Variants in RSRC1 observed in about 807,000 individuals in gnomAD.
RSRC1 encodes the protein serine/Arginine-related protein 53.
A neutral mutation model predicts 49.1 loss-of-function variants in RSRC1; 39 were observed. The ratio of observed to expected loss-of-function variants is 0.79; its 90% CI spans 0.61 to 1.04. The LOEUF is 1.04. RSRC1 is among the 50% of genes least tolerant of loss of function. RSRC1 has a pLI of 0.00. For synonymous variants in RSRC1, 143 were observed against 130.8 expected (o/e 1.09, Z -0.63); for missense variants, 388 against 402.4 (o/e 0.96, Z 0.31).
chr3:158,276,313 G>A lies in RSRC1; in HGVS notation c.495-21726G>A, dbSNP rs1169375689. 16 of 763,014 alleles carry A rather than the reference G, an allele frequency of 2.1e-5. No homozygotes were observed. In the Admixed American group the frequency reaches 2.4e-4, roughly 12 times the overall value. 47.3% of individuals were successfully genotyped at this position (763,014 alleles called of 1,614,324 possible). A position where few individuals can be genotyped will look rare whatever the true frequency, so the allele number is the denominator to read the frequency against. On this transcript the variant is annotated intron_variant, in intron 4 of 9. Transcript: ENST00000611884. The stretch of plus-strand genomic sequence containing the variant: ...GGCCAGATGGGGTGGGGAGCCCTGT[G>A]GAGAGCAGAGAGCTGGCGGTACTGC...
At chr3:158,118,463 G>GTGTGTGCA in intron 1 of RSRC1, among the ~76,000 whole-genome samples, 1 of 42,232 alleles carries the variant, frequency 2.4e-5, no homozygotes, top group East Asian at 1.1e-3. Context: ...GTGTGTGTGT[G>GTGTGTGCA]CGCGTGCGCG....
chr3:158,464,063 A>G (rs1480988456), intron 7 of RSRC1, among the ~76,000 whole-genome samples: 1 of 152,154 alleles, frequency 6.6e-6, no homozygotes, highest in Non-Finnish European at 1.5e-5. Context: ...ACTGAATAGT[A>G]TTAAATCTTT....
chr3:158,204,634 C>T (rs1417015699), intron 4 of RSRC1, among the ~76,000 whole-genome samples: 1 of 152,146 alleles, frequency 6.6e-6, no homozygotes, highest in Admixed American at 6.6e-5. Flanking sequence ...GATTTACATA[C>T]AGTAGAGTTC....
At chr3:158,146,163 A>T in intron 3 of RSRC1, among the ~76,000 whole-genome samples, 1 of 151,586 alleles carries the variant, frequency 6.6e-6, no homozygotes, top group Non-Finnish European at 1.5e-5. Context: ...TTCCAACACT[A>T]TGTTGAATAG....
intron 4 of RSRC1, among the ~76,000 whole-genome samples, chr3:158,209,592 T>C (rs1241037142): frequency 1.3e-5 from 2 of 152,166 alleles, no homozygotes; most frequent in Non-Finnish European, 2.9e-5. Flanking sequence ...CATGACCTGC[T>C]ACCATGAAAA....
chr3:158,178,755 T>C (rs947133279), intron 3 of RSRC1, among the ~76,000 whole-genome samples: 2 of 152,174 alleles, frequency 1.3e-5, no homozygotes, highest in African/African-American at 4.8e-5. Flanking sequence ...CTTGATGAAG[T>C]TGAGAACGGC....
In RSRC1 at chr3:158,313,557, C is replaced by T. The variant is rs1304608934; in HGVS notation, c.531+15482C>T. ...TTGGCTGTAATCCAAAGTGTATCCACTGTTATATCCAGAATTGAGCATAGA... is the reference window on the plus strand; with the variant it reads ...TTGGCTGTAATCCAAAGTGTATCCATTGTTATATCCAGAATTGAGCATAGA... On this transcript the variant is annotated intron_variant, in intron 5 of 9. Coordinates refer to ENST00000611884, the MANE Select transcript of RSRC1 (RefSeq NM_001271838.2). Among the ~76,000 whole-genome samples the T allele has an allele frequency of 4.6e-5, 7 of 152,248 alleles. No homozygotes were observed. In the East Asian group the frequency reaches 1.2e-3, roughly 25 times the overall value.
chr3:158,410,181 G>T (rs1734380423), intron 6 of RSRC1, among the ~76,000 whole-genome samples: 1 of 152,042 alleles, frequency 6.6e-6, no homozygotes, highest in South Asian at 2.1e-4. Flanking sequence ...TTACCTACTG[G>T]AATTCTTAAT....
intron 7 of RSRC1, among the ~76,000 whole-genome samples, chr3:158,469,990 G>A (rs1361621286): frequency 1.3e-5 from 2 of 151,976 alleles, no homozygotes; most frequent in South Asian, 2.1e-4. Flanking sequence ...AACCCAGTTT[G>A]AGCGTGTGAA....
chr3:158,482,587 T>C (rs1312974058), intron 7 of RSRC1, among the ~76,000 whole-genome samples: 2 of 152,026 alleles, frequency 1.3e-5, no homozygotes, highest in Non-Finnish European at 2.9e-5. Flanking sequence ...CATCCCTTTG[T>C]TTTATTTGTA....
intron 3 of RSRC1, among the ~76,000 whole-genome samples, chr3:158,180,916 T>C (rs1719577679): frequency 6.7e-6 from 1 of 149,028 alleles, no homozygotes; most frequent in Non-Finnish European, 1.5e-5. Context: ...GCAATTCTCC[T>C]GCTTTAGTCT....
chr3:158,191,271 GTCA>G (rs1720226316), intron 3 of RSRC1, among the ~76,000 whole-genome samples: 1 of 151,918 alleles, frequency 6.6e-6, no homozygotes, highest in Non-Finnish European at 1.5e-5. Flanking sequence ...TGTTCAAAAT[GTCA>G]TCCTGACATG....
intron 6 of RSRC1, among the ~76,000 whole-genome samples, chr3:158,440,019 G>C (rs1181872640): frequency 1.3e-5 from 2 of 151,380 alleles, no homozygotes; most frequent in East Asian, 1.9e-4. Context: ...TAATGCATGC[G>C]GTGCTTAAAA....
chr3:158,129,356 T>G (rs577631179), intron 3 of RSRC1, among the ~76,000 whole-genome samples: 1 of 147,248 alleles, frequency 6.8e-6, no homozygotes, highest in Non-Finnish European at 1.5e-5. Flanking sequence ...GTGACGCAAT[T>G]CTCATCTCAC....
intron 6 of RSRC1, among the ~76,000 whole-genome samples, chr3:158,391,097 A>T (rs544387475): frequency 2.0e-5 from 3 of 152,168 alleles, no homozygotes; most frequent in Non-Finnish European, 4.4e-5. Context: ...TAAATTAGTA[A>T]TATTATAATT....
chr3:158,396,266 A>G (rs920505871), intron 6 of RSRC1, among the ~76,000 whole-genome samples: 5 of 152,080 alleles, frequency 3.3e-5, no homozygotes, highest in African/African-American at 1.2e-4. Flanking sequence ...TGATGAGATA[A>G]TCTGTTCACC....
At chr3:158,176,833 G>A (rs564776722) in intron 3 of RSRC1, among the ~76,000 whole-genome samples, 50 of 152,124 alleles carry the variant, frequency 3.3e-4, no homozygotes, top group Non-Finnish European at 5.7e-4. Flanking sequence ...CACGGCAAAA[G>A]AAACTACCAT....
chr3:158,424,562 C>A (rs529674964), intron 6 of RSRC1, among the ~76,000 whole-genome samples: 2,623 of 149,538 alleles, frequency 0.018, 44 homozygotes, highest in African/African-American at 0.062. Flanking sequence ...TGTCTCTGCC[C>A]GGCTTTGGTA....
chr3:158,244,909 C>T (rs1000237088), intron 4 of RSRC1, among the ~76,000 whole-genome samples: 26 of 151,758 alleles, frequency 1.7e-4, no homozygotes, highest in African/African-American at 6.3e-4. Context: ...CATTTGTATG[C>T]ATAAAGGTCT....
Sources: allele counts gnomAD v4.1 joint callset (sites outside exome capture counted in the v4.1 genomes callset), GRCh38; gene constraint gnomAD v4.1.1; transcripts MANE v1.5; gene names NCBI Gene and HGNC (gene_info 2026-07-23, HGNC 2026-07-21).